FAM114A2: variants seen among roughly 807,000 people sequenced by gnomAD.
FAM114A2 encodes protein FAM114A2.
FAM114A2 carries 53 observed loss-of-function variants against 58.4 expected under a neutral mutation model. That is an observed-to-expected ratio of 0.91 (90% confidence interval 0.73 to 1.14). The LOEUF is 1.14. Ranked by LOEUF, FAM114A2 falls within the 50% of genes most tolerant of loss-of-function variation. The pLI is 0.00. For synonymous variants in FAM114A2, 228 were observed against 211.4 expected, an observed-to-expected ratio of 1.08 and a Z score of -0.68; for missense variants, 601 against 581.1, an observed-to-expected ratio of 1.03 and a Z score of -0.35.
At position 153,993,128 on chromosome 5, in the gene FAM114A2, A is replaced by C; in HGVS notation, c.1384-18T>G. On this transcript the variant is annotated intron_variant, in intron 13 of 13. Transcript: ENST00000351797. The stretch of plus-strand genomic sequence containing the variant: ...TTTGATGCCTGCCAGGATTGAAAAA[A>C]CAAGAAAAAGAAAATATTAGTTATT... The C allele has an allele frequency of 6.3e-7, 1 of 1,597,408 alleles. No individual in the cohort carries two copies. Among genetic ancestry groups the C allele is most frequent in the Non-Finnish European group, 8.5e-7 (1 of 1,173,008 alleles).
intron 6 of FAM114A2, 178 bp from the exon 7 acceptor site, chr5:154,027,512 A>G (rs1771871829): frequency 2.1e-6 from 1 of 469,152 alleles, no homozygotes; most frequent in South Asian, 4.5e-5. Flanking sequence ...ACGATCACAC[A>G]TAATTTGAGA....
rs763404178 is a variant in FAM114A2 at position 154,027,301 on chromosome 5, G to C, written c.664C>G (p.Arg222Gly). The change falls in exon 7 of 14, where the codon CGG (arginine) becomes GGG (glycine). Residue 222 changes from arginine to glycine, a missense_variant. By Grantham distance (125) the Arg-to-Gly change is moderately radical. Coordinates refer to ENST00000351797, the MANE Select transcript of FAM114A2 (RefSeq NM_018691.4). ...TCCACGGTAACCTCATTGGAGGTCC[G>C]TATCTCTTCTTTCTCCTTCGCCTCT... ...LREAKEKEEI[R>G]TSNEVTVETD... is the part of the protein sequence containing the mutation. The C allele has an allele frequency of 9.3e-6, 15 of 1,612,864 alleles. No homozygotes were observed. Among genetic ancestry groups the C allele is most frequent in the Non-Finnish European group, 1.3e-5 (15 of 1,179,482 alleles).
At chr5:154,016,697 A>G (rs1771060383) in intron 8 of FAM114A2, among the ~76,000 whole-genome samples, 1 of 152,046 alleles carries the variant, frequency 6.6e-6, no homozygotes. Context: ...AAATCTCATG[A>G]CCTATAAAAC....
intron 9 of FAM114A2, among the ~76,000 whole-genome samples, chr5:154,005,023 A>G (rs930419173): frequency 8.5e-5 from 13 of 152,142 alleles, no homozygotes; most frequent in Admixed American, 6.6e-4. Flanking sequence ...TGTTCTTTCA[A>G]TCCTCTACCC....
intron 11 of FAM114A2, among the ~76,000 whole-genome samples, chr5:154,001,501 G>T (rs932902612): frequency 6.6e-6 from 1 of 152,086 alleles, no homozygotes; most frequent in Admixed American, 6.5e-5. Flanking sequence ...CCTATTATGG[G>T]GTGCTGTAGT....
intron 12 of FAM114A2, among the ~76,000 whole-genome samples, chr5:153,997,344 A>G (rs1239765550): frequency 6.6e-6 from 1 of 152,240 alleles, no homozygotes; most frequent in African/African-American, 2.4e-5. Flanking sequence ...AAAAGCAGAA[A>G]TAATCCAAAT....
chr5:154,030,273 A>G (rs1011945969), intron 4 of FAM114A2, among the ~76,000 whole-genome samples: 2 of 152,228 alleles, frequency 1.3e-5, no homozygotes, highest in African/African-American at 4.8e-5. Context: ...AAAGATAGGT[A>G]TGTTTCAAAA....
chr5:154,037,826 T>C (rs1772687866), intron 1 of FAM114A2, among the ~76,000 whole-genome samples: 1 of 152,172 alleles, frequency 6.6e-6, no homozygotes, highest in Non-Finnish European at 1.5e-5. Flanking sequence ...GTGCTAAAAT[T>C]ACAGGCGTGA....
At chr5:154,019,757 A>C (rs1771278411) in intron 8 of FAM114A2, among the ~76,000 whole-genome samples, 1 of 152,206 alleles carries the variant, frequency 6.6e-6, no homozygotes, top group South Asian at 2.1e-4. Context: ...ATCTTTCACA[A>C]AGCAAACAAA....
chr5:153,998,282 T>C (rs1769719914), intron 11 of FAM114A2, among the ~76,000 whole-genome samples: 2 of 152,200 alleles, frequency 1.3e-5, no homozygotes, highest in African/African-American at 4.8e-5. Context: ...GACTGTTGTG[T>C]TATCACAGTG....
chr5:154,019,138 G>A (rs141256951), intron 8 of FAM114A2, among the ~76,000 whole-genome samples: 3 of 152,088 alleles, frequency 2.0e-5, no homozygotes, highest in East Asian at 1.9e-4. Context: ...GCTGATGATT[G>A]TTTACCTAGA....
intron 12 of FAM114A2, among the ~76,000 whole-genome samples, chr5:153,995,662 C>CACTG (rs1220978598): frequency 6.6e-6 from 1 of 152,174 alleles, no homozygotes; most frequent in Non-Finnish European, 1.5e-5. Context: ...TTTGCTGCTA[C>CACTG]ACTGACACTG....
chr5:154,035,454 T>G (rs971070060), intron 1 of FAM114A2, among the ~76,000 whole-genome samples: 1 of 152,206 alleles, frequency 6.6e-6, no homozygotes, highest in Non-Finnish European at 1.5e-5. Flanking sequence ...TACAGCATAT[T>G]ACCTATTGAC....
At chr5:154,018,425 T>A (rs1771190204) in intron 8 of FAM114A2, among the ~76,000 whole-genome samples, 1 of 151,408 alleles carries the variant, frequency 6.6e-6, no homozygotes, top group Non-Finnish European at 1.5e-5. Flanking sequence ...TTTTAAAAAT[T>A]ACCAACAAAA....
intron 8 of FAM114A2, among the ~76,000 whole-genome samples, chr5:154,023,873 G>GA (rs1771608449): frequency 1.3e-5 from 2 of 151,920 alleles, no homozygotes; most frequent in Admixed American, 1.3e-4. Context: ...CTCCTTAACT[G>GA]ATTTAAAAAG....
rs57861033 is a variant in FAM114A2, at chr5:154,018,880, C to T, written c.913+7519G>A. ...CATCCTTTATGATTAAAACTCTCAACAAAATCAGCATACAAGGGACATATA... is the reference window on the plus strand; with the variant it reads ...CATCCTTTATGATTAAAACTCTCAATAAAATCAGCATACAAGGGACATATA... On this transcript the variant is annotated intron_variant, in intron 8 of 13. Transcript: ENST00000351797. Among the ~76,000 whole-genome samples, 976 of 152,244 alleles carry T rather than the reference C, an allele frequency of 6.4e-3. 36 individuals carry two copies. In the East Asian group the frequency reaches 0.12, roughly 18 times the overall value.
chr5:153,996,484 C>A, intron 12 of FAM114A2, among the ~76,000 whole-genome samples: 1 of 150,784 alleles, frequency 6.6e-6, no homozygotes. Flanking sequence ...GCAAAGGACA[C>A]GATCAAAAAG....
intron 11 of FAM114A2, 147 bp from the exon 12 acceptor site, chr5:153,998,022 C>G (rs1769698763): frequency 4.0e-6 from 2 of 499,612 alleles, no homozygotes; most frequent in African/African-American, 2.0e-5. Context: ...AGTATCCCCC[C>G]CTTATCTGTG....
intron 8 of FAM114A2, among the ~76,000 whole-genome samples, chr5:154,022,762 T>C (rs926266044): frequency 2.0e-5 from 3 of 152,188 alleles, no homozygotes; most frequent in Non-Finnish European, 4.4e-5. Context: ...GAAATACCAT[T>C]TGACCCAGTG....
Sources: gnomAD v4.1 joint callset for allele counts (sites outside exome capture counted in the v4.1 genomes callset) on GRCh38, gnomAD v4.1.1 for gene constraint, MANE v1.5 for transcripts, NCBI Gene and HGNC (gene_info 2026-07-23, HGNC 2026-07-21) for gene names.